The following RIC1 variants were observed in gnomAD, a reference collection of about 807,000 sequenced individuals.
RIC1 encodes the protein guanine nucleotide exchange factor subunit RIC1.
RIC1 carries 88 observed loss-of-function variants against 169.0 expected under a neutral mutation model. That is an observed-to-expected ratio of 0.52 (90% CI 0.44 to 0.62). The LOEUF (loss-of-function observed/expected upper bound fraction) is 0.62, where lower values mean the gene tolerates loss of function less well. Among genes scored for constraint, RIC1 ranks in the 20% least tolerant of loss-of-function variants. The probability of loss-of-function intolerance (pLI) is 0.00; values close to 1 mark genes in which losing one functional copy is unlikely to be tolerated. For missense variants in RIC1, 1,877 were observed against 1,725.5 expected, an observed-to-expected ratio of 1.09 and a Z score of -1.56; for synonymous variants, 790 against 601.5, an observed-to-expected ratio of 1.31 and a Z score of -4.59.
Position 5,672,045 on chromosome 9 carries a change from G to T in RIC1, c.252+15355G>T, listed in dbSNP as rs185524274. Among the ~76,000 whole-genome samples, 71 of 152,304 alleles carry T rather than the reference G, an allele frequency of 4.7e-4. No homozygotes were observed. The East Asian group carries it at 9.8e-3, about 21-fold the overall frequency. On this transcript the variant is annotated intron_variant, in intron 2 of 25. Coordinates refer to ENST00000414202, the MANE Select transcript of RIC1 (RefSeq NM_020829.4). ...GGTTGCACAGGTGAACTCAGTTGCT[G>T]CCACACCTCATGGTCTGAGGAAGCC...
chr9:5,760,479 A>G (rs1235165822), intron 17 of RIC1, among the ~76,000 whole-genome samples: 1 of 152,226 alleles, frequency 6.6e-6, no homozygotes, highest in Non-Finnish European at 1.5e-5. Context: ...TAAGGTAGTC[A>G]TTATAAACAT....
At chr9:5,735,046 G>A (rs1013948887) in intron 7 of RIC1, among the ~76,000 whole-genome samples, 7 of 151,990 alleles carry the variant, frequency 4.6e-5, no homozygotes, top group East Asian at 1.9e-4. Context: ...AAACAGAATC[G>A]ATCAAGATTC....
intron 3 of RIC1, among the ~76,000 whole-genome samples, chr9:5,693,865 C>G (rs1821735743): frequency 6.6e-6 from 1 of 151,466 alleles, no homozygotes; most frequent in South Asian, 2.1e-4. Flanking sequence ...CTACTATTAC[C>G]CTCTTTTTTG....
At chr9:5,640,134 C>T (rs1241447409) in intron 1 of RIC1, among the ~76,000 whole-genome samples, 1 of 152,176 alleles carries the variant, frequency 6.6e-6, no homozygotes, top group East Asian at 1.9e-4. Context: ...GTTTTGTGGT[C>T]TTCGTTCTTT....
At chr9:5,765,914 T>G in intron 21 of RIC1, 116 bp downstream of exon 21, 1 of 1,305,776 alleles carries the variant, frequency 7.7e-7, no homozygotes. Context: ...TGCAGTTTCT[T>G]TTTCCATTCC....
chr9:5,702,362 G>A (rs1459589599), intron 3 of RIC1, among the ~76,000 whole-genome samples: 1 of 152,146 alleles, frequency 6.6e-6, no homozygotes, highest in Admixed American at 6.5e-5. Context: ...TTGGTTCACA[G>A]TTCCGCAGGC....
At chr9:5,669,531 T>C (rs1413715997) in intron 2 of RIC1, among the ~76,000 whole-genome samples, 2 of 152,246 alleles carry the variant, frequency 1.3e-5, no homozygotes, top group Non-Finnish European at 1.5e-5. Context: ...TATCCACTTG[T>C]TGATTGATGG....
intron 2 of RIC1, among the ~76,000 whole-genome samples, chr9:5,673,559 A>ATATATATATATAT (rs1554663256): frequency 6.7e-4 from 62 of 92,690 alleles, no homozygotes; most frequent in African/African-American, 2.8e-3. Context: ...TATATATATA[A>ATATATATATATAT]ATAAATGTTG....
At chr9:5,640,837 A>C (rs1465638307) in intron 1 of RIC1, among the ~76,000 whole-genome samples, 1 of 152,098 alleles carries the variant, frequency 6.6e-6, no homozygotes, top group Non-Finnish European at 1.5e-5. Context: ...TTTCTCCTTC[A>C]TGCTTGAAGG....
intron 1 of RIC1, among the ~76,000 whole-genome samples, chr9:5,642,420 C>G (rs1818297136): frequency 1.4e-5 from 2 of 144,878 alleles, no homozygotes. Context: ...CACTCAAGGC[C>G]CTAAGGCTCT....
At chr9:5,701,912 A>G (rs966529679) in intron 3 of RIC1, among the ~76,000 whole-genome samples, 1 of 152,224 alleles carries the variant, frequency 6.6e-6, no homozygotes, top group African/African-American at 2.4e-5. Flanking sequence ...ACATACGTGC[A>G]TACATCCCAC....
chr9:5,663,040 C>T (rs1014716661), intron 2 of RIC1, among the ~76,000 whole-genome samples: 1 of 152,152 alleles, frequency 6.6e-6, no homozygotes, highest in East Asian at 1.9e-4. Context: ...TCTTTGTTCT[C>T]ATTAGTTTCA....
At chr9:5,633,985 G>A (rs1817847751) in intron 1 of RIC1, among the ~76,000 whole-genome samples, 1 of 152,122 alleles carries the variant, frequency 6.6e-6, no homozygotes, top group Non-Finnish European at 1.5e-5. Context: ...ATGAGATCAT[G>A]AAGTTGTTTT....
chr9:5,691,970 T>C (rs141399287), intron 3 of RIC1, among the ~76,000 whole-genome samples: 213 of 152,196 alleles, frequency 1.4e-3, no homozygotes, highest in African/African-American at 4.7e-3. Context: ...GTTTCTTTCT[T>C]TTCTGATTCT....
rs768734697 is a variant in RIC1, at chr9:5,747,402, C to G, written c.1349C>G (p.Ser450Cys). ...TQNPRSSSTHSEHKPSREKSP... is the reference protein window; with the variant it reads ...TQNPRSSSTHCEHKPSREKSP... ...AATCCCAGGAGTTCTTCAACACACT[C>G]TGAGCATAAGCCCAGTCGAGAAAAG... The change falls in exon 12 of 26, where the codon TCT (serine) becomes TGT (cysteine). Residue 450 changes from serine to cysteine, a missense_variant. Physicochemically the swap from Ser to Cys is moderately radical, Grantham distance 112. Around this residue, in one of 3 missense-constraint regions of RIC1, gnomAD observed 1,104 missense variants for 992.0 expected, o/e 1.11. Coordinates refer to ENST00000414202, the MANE Select transcript of RIC1 (RefSeq NM_020829.4). The G allele has an allele frequency of 2.4e-5, 38 of 1,613,964 alleles. No homozygotes were observed. In the Admixed American group the frequency reaches 4.0e-4, roughly 17 times the overall value.
intron 13 of RIC1, 72 bp from the exon 14 acceptor site, chr9:5,753,464 A>G (rs1012197577): frequency 1.8e-5 from 17 of 955,762 alleles, no homozygotes; most frequent in Non-Finnish European, 2.6e-5. Flanking sequence ...GCCTGACACA[A>G]TACTAAGCTC....
At position 5,768,970 on chromosome 9, in the gene RIC1, A is replaced by G. The variant is rs751481274; in HGVS notation, c.3138A>G (p.Arg1046=). ...LSMPSGPSGK[R]WSKDSDCAEN... is the part of the protein sequence containing the mutation. ...AGCTTTCTTGTGTTTCCACTTACAG[A>G]TGGAGCAAAGACAGTGACTGTGCTG... Residue 1046 remains arginine (R), a splice_region_variant and synonymous_variant, in exon 22 of 26, where the codon AGA becomes AGG. Transcript: ENST00000414202. The G allele has an allele frequency of 1.3e-6, 2 of 1,597,816 alleles. No individual in the cohort carries two copies. Among genetic ancestry groups the G allele is most frequent in the Non-Finnish European group, 1.7e-6 (2 of 1,173,492 alleles).
At chr9:5,737,846 TAAG>T (rs1824819199) in intron 7 of RIC1, among the ~76,000 whole-genome samples, 1 of 151,664 alleles carries the variant, frequency 6.6e-6, no homozygotes, top group African/African-American at 2.4e-5. Context: ...AAAAGATTAT[TAAG>T]AAAATTATAA....
intron 1 of RIC1, among the ~76,000 whole-genome samples, chr9:5,649,009 C>T (rs753456715): frequency 6.6e-6 from 1 of 151,936 alleles, no homozygotes; most frequent in East Asian, 1.9e-4. Context: ...AAACAAGTCT[C>T]AAAACATTTT....
Sources: gnomAD v4.1 joint callset for allele counts (sites outside exome capture counted in the v4.1 genomes callset) on GRCh38, gnomAD v4.1.1 for gene constraint, gnomAD v4.1.1 regional missense constraint, MANE v1.5 for transcripts, NCBI Gene and HGNC (gene_info 2026-07-23, HGNC 2026-07-21) for gene names.